The following HAVCR1 variants were observed in gnomAD, a reference collection of about 807,000 sequenced individuals.
HAVCR1 encodes the protein T cell immunoglobin domain and mucin domain protein 1.
Under a neutral mutation model 32.0 loss-of-function variants are expected in HAVCR1, and 34 were observed. The ratio of observed to expected loss-of-function variants is 1.06; its 90% confidence interval spans 0.81 to 1.42. The LOEUF (loss-of-function observed/expected upper bound fraction) is 1.42. Ranked by LOEUF, HAVCR1 falls within the 40% of genes most tolerant of loss-of-function variation. HAVCR1 has a pLI of 0.00. For synonymous variants in HAVCR1, 178 were observed against 170.3 expected (o/e 1.05, Z -0.35); for missense variants, 420 against 442.3 (o/e 0.95, Z 0.45).
At chr5:157,037,992 G>A (rs1754639457) in intron 6 of HAVCR1, among the ~76,000 whole-genome samples, 2 of 150,320 alleles carry the variant, frequency 1.3e-5, no homozygotes, top group South Asian at 2.1e-4. Context: ...GGGCAACAGA[G>A]TGAGACTCCA....
chr5:157,037,302 T>C lies in HAVCR1; in HGVS notation c.897A>G (p.Gly299=), dbSNP rs756566853. The C allele has an allele frequency of 2.5e-6, 4 of 1,608,088 alleles. No homozygotes were observed. In the South Asian group the frequency reaches 3.3e-5, roughly 13 times the overall value. The change falls in exon 7 of 9, where the codon GGA becomes GGG. Residue 299 remains glycine (G), a synonymous_variant. Coordinates refer to ENST00000523175, the MANE Select transcript of HAVCR1 (RefSeq NM_001173393.3). Reference sequence around the variant, plus strand: ...GAAGCACCAAGACAGAAATACAGACTCCAGCATAGATTCCTTTAGTGGTAT... The same window carrying C: ...GAAGCACCAAGACAGAAATACAGACCCCAGCATAGATTCCTTTAGTGGTAT... ...TANTTKGIYA[G]VCISVLVLLA...
In HAVCR1 at chr5:157,037,488, G is replaced by A. The variant is rs184142574; in HGVS notation, c.838-127C>T. 2.3e-3 allele frequency: 1,362 copies of A among 603,586 alleles called. 8 individuals carry two copies. The highest frequency in any genetic ancestry group is 3.3e-3 in the Non-Finnish European group (1,112 of 338,250). The allele number at this position is 603,586 out of a possible 1,614,324, so 37.4% of individuals were successfully genotyped here. On this transcript the variant is annotated intron_variant, in intron 6 of 8. Transcript: ENST00000523175. ...GCTTGGGGACTTCTGGAACATAAGGGTAAGACCAAATGATCTCAGTTTATA... is the reference window on the plus strand; with the variant it reads ...GCTTGGGGACTTCTGGAACATAAGGATAAGACCAAATGATCTCAGTTTATA...
chr5:157,037,748 C>T (rs1371019962), intron 6 of HAVCR1, among the ~76,000 whole-genome samples: 3 of 152,132 alleles, frequency 2.0e-5, no homozygotes, highest in African/African-American at 7.2e-5. Flanking sequence ...AAATGTCAGG[C>T]ATGGTAGCTC....
In HAVCR1 at chr5:157,052,652, T is replaced by A. The variant is rs915050453; in HGVS notation, c.382A>T (p.Lys128Ter). 3.7e-6 allele frequency: 6 copies of A among 1,612,694 alleles called. No individual in the cohort carries two copies. Among genetic ancestry groups the A allele is most frequent in the Non-Finnish European group, 5.1e-6 (6 of 1,178,744 alleles). ...ITVSLEIVPP[K>*]VTTTPIVTTV... ...GTGACAATTGGAGTAGTCGTGACCT[T>A]GGCTGGAGTCAGAAATCAACATGAG... Residue 128 changes from lysine to a stop codon, truncating the protein, a stop_gained and splice_region_variant, in exon 4 of 9, where the codon AAG becomes TAG. Coordinates refer to ENST00000523175, the MANE Select transcript of HAVCR1 (RefSeq NM_001173393.3). LOFTEE classifies it high-confidence loss of function.
rs181022862 is a variant in HAVCR1 at position 157,030,605 on chromosome 5, A to G, written c.987-764T>C. On this transcript the variant is annotated intron_variant, in intron 8 of 8. Coordinates refer to ENST00000523175, the MANE Select transcript of HAVCR1 (RefSeq NM_001173393.3). ...GAGGTAGAGGTTGCAGTGAGCCGAGATCACACCACTGCACTCCAGCCTGGG... is the reference window on the plus strand; with the variant it reads ...GAGGTAGAGGTTGCAGTGAGCCGAGGTCACACCACTGCACTCCAGCCTGGG... Among the ~76,000 whole-genome samples, 10 of 151,952 alleles carry G rather than the reference A, an allele frequency of 6.6e-5. No homozygotes were observed. The East Asian group carries it at 1.9e-3, about 29-fold the overall frequency.
At chr5:157,033,330 G>C (rs771922697) in intron 7 of HAVCR1, among the ~76,000 whole-genome samples, 26 of 152,026 alleles carry the variant, frequency 1.7e-4, no homozygotes, top group Non-Finnish European at 3.1e-4. Context: ...CCTAAACAAG[G>C]AAATAATGAG....
chr5:157,054,125 A>G (rs1755958581), intron 3 of HAVCR1, among the ~76,000 whole-genome samples: 1 of 146,120 alleles, frequency 6.8e-6, no homozygotes, highest in South Asian at 2.2e-4. Context: ...CAGGGGTTGC[A>G]GTGAGTAGCA....
chr5:157,049,620 GT>G (rs1220150194), intron 4 of HAVCR1, among the ~76,000 whole-genome samples: 1 of 152,160 alleles, frequency 6.6e-6, no homozygotes, highest in African/African-American at 2.4e-5. Flanking sequence ...CCCATTCTGG[GT>G]TTCCTGGCCT....
At chr5:157,068,872 G>A in the HAVCR1 span, among the ~76,000 whole-genome samples, 1 of 152,028 alleles carries the variant, frequency 6.6e-6, no homozygotes, top group Admixed American at 6.6e-5. Context: ...CAGACTCCCA[G>A]AGCACTGGGA....
intron 7 of HAVCR1, among the ~76,000 whole-genome samples, chr5:157,033,841 C>T (rs1754326471): frequency 6.6e-6 from 1 of 152,122 alleles, no homozygotes; most frequent in South Asian, 2.1e-4. Flanking sequence ...GGCAGGCGGT[C>T]AGGAGTTCAA....
chr5:157,057,463 G>GAAAGAA (rs1370775112), intron 2 of HAVCR1, among the ~76,000 whole-genome samples: 1 of 126,542 alleles, frequency 7.9e-6, no homozygotes, highest in African/African-American at 3.0e-5. Flanking sequence ...AAGAAAGAAA[G>GAAAGAA]AGAATTGAAT....
intron 5 of HAVCR1, among the ~76,000 whole-genome samples, chr5:157,048,567 A>G (rs375350097): frequency 2.0e-5 from 3 of 152,352 alleles, no homozygotes; most frequent in African/African-American, 7.2e-5. Flanking sequence ...ACGGTGGCTG[A>G]TGCCTGTAAT....
chr5:157,049,501 T>C (rs962170262), intron 4 of HAVCR1, among the ~76,000 whole-genome samples: 1 of 152,252 alleles, frequency 6.6e-6, no homozygotes, highest in Non-Finnish European at 1.5e-5. Flanking sequence ...GGGCATTTTA[T>C]GTAGAATACC....
chr5:157,031,164 A>G (rs555868272), intron 8 of HAVCR1, among the ~76,000 whole-genome samples: 5 of 152,264 alleles, frequency 3.3e-5, no homozygotes, highest in Non-Finnish European at 2.9e-5. Context: ...CAATCTGTAA[A>G]ATGAGAATAG....
chr5:157,041,704 G>A (rs890144880), intron 6 of HAVCR1, among the ~76,000 whole-genome samples: 4 of 152,156 alleles, frequency 2.6e-5, no homozygotes, highest in African/African-American at 9.6e-5. Flanking sequence ...AAAGCATGCT[G>A]TTTCCCTATT....
intron 5 of HAVCR1, among the ~76,000 whole-genome samples, chr5:157,044,437 A>AGG (rs1193993535): frequency 4.0e-4 from 16 of 40,330 alleles, no homozygotes; most frequent in East Asian, 2.2e-3. Context: ...GAAAGAAAGA[A>AGG]AGAAAGAAAG....
chr5:157,055,344 A>G lies in HAVCR1; in HGVS notation c.236T>C (p.Leu79Pro), dbSNP rs1756058706. Residue 79 changes from leucine to proline, a missense_variant, in exon 3 of 9, where the codon CTA (leucine) becomes CCA (proline). Leu to Pro is a moderately conservative substitution (Grantham distance 98). Transcript: ENST00000523175. The part of the protein sequence containing the change: ...VTYRKDTRYK[L>P]LGDLSRRDVS... Reference sequence around the variant, plus strand: ...ATCCCTTCTTGAAAGGTCCCCCAATAGCTTATAGCGTGTGTCCTTCCGATA... The same window carrying G: ...ATCCCTTCTTGAAAGGTCCCCCAATGGCTTATAGCGTGTGTCCTTCCGATA... 1.2e-6 allele frequency: 2 copies of G among 1,613,424 alleles called. No individual in the cohort carries two copies. The highest frequency in any genetic ancestry group is 1.7e-6 in the Non-Finnish European group (2 of 1,179,508).
the HAVCR1 span, among the ~76,000 whole-genome samples, chr5:157,066,353 T>C: frequency 6.6e-6 from 1 of 151,948 alleles, no homozygotes; most frequent in East Asian, 1.9e-4. Flanking sequence ...GGAGTTTGCA[T>C]GGAGAAAAGC....
chr5:157,066,369 GAC>G, the HAVCR1 span, among the ~76,000 whole-genome samples: 1 of 151,974 alleles, frequency 6.6e-6, no homozygotes, highest in Non-Finnish European at 1.5e-5. Context: ...AAAGCAGTTG[GAC>G]TTGAGTGCCT....
Sources: allele counts gnomAD v4.1 joint callset (sites outside exome capture counted in the v4.1 genomes callset), GRCh38; gene constraint gnomAD v4.1.1; transcripts MANE v1.5; gene names NCBI Gene and HGNC (gene_info 2026-07-23, HGNC 2026-07-21).